Variants in CREB3L1 observed in about 807,000 individuals in gnomAD.
CREB3L1 encodes cAMP responsive element binding protein 3 like 1.
In CREB3L1, 33 loss-of-function variants were observed where a neutral mutation model predicts 54.5. The ratio of observed to expected loss-of-function variants is 0.61; its 90% CI spans 0.46 to 0.81. The LOEUF (loss-of-function observed/expected upper bound fraction) is 0.81. CREB3L1 is among the 30% of genes least tolerant of loss of function. CREB3L1 has a pLI of 0.00. For synonymous variants in CREB3L1, 284 were observed against 286.4 expected (o/e 0.99, Z 0.08); for missense variants, 656 against 673.3 (o/e 0.97, Z 0.29).
rs1179551919 is a variant in CREB3L1, at chr11:46,311,060, C to T, written c.624C>T (p.Pro208=). The T allele has an allele frequency of 6.2e-7, 1 of 1,608,892 alleles. No homozygotes were observed. The highest frequency in any genetic ancestry group is 8.5e-7 in the Non-Finnish European group (1 of 1,177,806). Residue 208 remains proline, a synonymous_variant, in exon 5 of 12, where the codon CCC becomes CCT. Transcript: ENST00000621158. The stretch of plus-strand genomic sequence containing the variant: ...ACCTGGTGCAGATGCCTCCGACGCC[C>T]CCCAGCAGCCATGGCAGTGACAGCG... ...PEDLVQMPPT[P]PSSHGSDSDG...
At chr11:46,298,570 GCACC>G (rs1566184719) in intron 1 of CREB3L1, among the ~76,000 whole-genome samples, 1 of 152,064 alleles carries the variant, frequency 6.6e-6, no homozygotes, top group East Asian at 1.9e-4. Context: ...GTGGTGGTGC[GCACC>G]TGTAGTCCCG....
Position 46,320,182 on chromosome 11 carries a change from G to A in CREB3L1, c.1259-82G>A, listed in dbSNP as rs115107035. On this transcript the variant is annotated intron_variant, in intron 10 of 11. Coordinates refer to ENST00000621158, the MANE Select transcript of CREB3L1 (RefSeq NM_052854.4). ...GCTGGGACTCAGATCCAGGGCCTGC[G>A]TCCTTAACCACTAGGCCATGAATGT... 1.9e-3 allele frequency: 2,773 copies of A among 1,434,968 alleles called. 42 individuals are homozygous for A. In the African/African-American group the frequency reaches 0.034, roughly 18 times the overall value. The allele number at this position is 1,434,968 out of a possible 1,614,324, so 88.9% of individuals were successfully genotyped here.
chr11:46,282,392 G>A (rs1938992319), intron 1 of CREB3L1, among the ~76,000 whole-genome samples: 1 of 152,164 alleles, frequency 6.6e-6, no homozygotes. Flanking sequence ...CTGACCCACA[G>A]GGGATTTGAA....
chr11:46,301,778 G>C (rs1198609665), intron 2 of CREB3L1, among the ~76,000 whole-genome samples: 3 of 151,876 alleles, frequency 2.0e-5, no homozygotes, highest in Non-Finnish European at 4.4e-5. Flanking sequence ...GGTCAACATG[G>C]TGAAACTACT....
intron 9 of CREB3L1, among the ~76,000 whole-genome samples, chr11:46,316,965 C>A (rs1939575788): frequency 6.6e-6 from 1 of 152,146 alleles, no homozygotes; most frequent in Admixed American, 6.5e-5. Context: ...CTCAGCACCT[C>A]CCGCTAGCCA....
intron 3 of CREB3L1, among the ~76,000 whole-genome samples, chr11:46,309,322 C>G (rs960534137): frequency 2.0e-5 from 3 of 152,240 alleles, no homozygotes; most frequent in African/African-American, 4.8e-5. Flanking sequence ...CTTCCTCAGA[C>G]AGAGCACCAC....
intron 8 of CREB3L1, chr11:46,315,352 G>A (rs76244216): frequency 8.8e-5 from 19 of 216,300 alleles, no homozygotes; most frequent in African/African-American, 3.8e-4. Context: ...CTACGTGCCC[G>A]TTTGGGTGGA....
intron 5 of CREB3L1, among the ~76,000 whole-genome samples, chr11:46,311,958 T>C (rs1939492999): frequency 1.3e-5 from 2 of 152,076 alleles, no homozygotes; most frequent in African/African-American, 2.4e-5. Context: ...CCAGGAAACA[T>C]GGAGCTAGGC....
chr11:46,286,976 A>C (rs1300108665), intron 1 of CREB3L1, among the ~76,000 whole-genome samples: 1 of 152,214 alleles, frequency 6.6e-6, no homozygotes, highest in Non-Finnish European at 1.5e-5. Context: ...AAGACTTCCC[A>C]GGTGCGTACT....
rs188844775 is a variant in CREB3L1 at position 46,293,305 on chromosome 11, C to G, written c.103-6630C>G. Among the ~76,000 whole-genome samples the G allele has an allele frequency of 3.1e-4, 47 of 152,342 alleles. 1 individual carries two copies. The East Asian group carries it at 6.9e-3, about 23-fold the overall frequency. ...GGTGCCAGACACAGCTAATCCCAGC[C>G]CTGGGCGGCGGCACTCGCTGCCATC... On this transcript the variant is annotated intron_variant, in intron 1 of 11. Coordinates refer to ENST00000621158, the MANE Select transcript of CREB3L1 (RefSeq NM_052854.4).
At chr11:46,302,768 G>GTC (rs1250463472) in intron 2 of CREB3L1, among the ~76,000 whole-genome samples, 1 of 152,056 alleles carries the variant, frequency 6.6e-6, no homozygotes, top group African/African-American at 2.4e-5. Flanking sequence ...AGATCACGAG[G>GTC]TCAGGAGTTC....
intron 3 of CREB3L1, among the ~76,000 whole-genome samples, 189 bp from the exon 4 acceptor site, chr11:46,309,800 G>A (rs1939457518): frequency 6.6e-6 from 1 of 152,222 alleles, no homozygotes; most frequent in South Asian, 2.1e-4. Flanking sequence ...CTTTCTCTTA[G>A]GTGTGACTTG....
chr11:46,282,214 G>T (rs948633616), intron 1 of CREB3L1, among the ~76,000 whole-genome samples: 3 of 152,176 alleles, frequency 2.0e-5, no homozygotes, highest in African/African-American at 7.2e-5. Context: ...AGAGGGAAAA[G>T]TGTCCTTAAG....
chr11:46,278,278 C>A lies in CREB3L1; in HGVS notation c.102+65C>A. The A allele has an allele frequency of 1.9e-6, 2 of 1,075,048 alleles. No homozygotes were observed. The highest frequency in any genetic ancestry group is 2.9e-5 in the South Asian group (2 of 68,862). 66.6% of individuals were successfully genotyped at this position (1,075,048 alleles called of 1,614,324 possible). ...ACCCGTCCTCGCGGCGCGCCTGGGC[C>A]CCTAGAAGGACCCGACTACACATCA... On this transcript the variant is annotated intron_variant, in intron 1 of 11. Coordinates refer to ENST00000621158, the MANE Select transcript of CREB3L1 (RefSeq NM_052854.4). The surrounding 1 kb of genome is among the most constrained non-coding windows in gnomAD (Gnocchi z 4.2).
At chr11:46,317,590 G>C in intron 10 of CREB3L1, 103 bp downstream of exon 10, 1 of 1,431,774 alleles carries the variant, frequency 7.0e-7, no homozygotes, top group Non-Finnish European at 9.4e-7. Context: ...CAAGTGTGGG[G>C]TCAGCATTAT....
chr11:46,304,174 G>T (rs184739977), intron 2 of CREB3L1, among the ~76,000 whole-genome samples: 2 of 152,000 alleles, frequency 1.3e-5, no homozygotes, highest in African/African-American at 2.4e-5. Context: ...TTGTTGGGAG[G>T]AGTAAAGAAG....
intron 1 of CREB3L1, among the ~76,000 whole-genome samples, chr11:46,282,913 T>C (rs1309799570): frequency 6.6e-6 from 1 of 152,166 alleles, no homozygotes; most frequent in Non-Finnish European, 1.5e-5. Flanking sequence ...TATGTTCCTT[T>C]GCGGTGACTC....
At chr11:46,309,937 G>C (rs1939458801) in intron 3 of CREB3L1, 52 bp from the exon 4 acceptor site, 1 of 1,450,738 alleles carries the variant, frequency 6.9e-7, no homozygotes, top group Non-Finnish European at 9.5e-7. Context: ...AGATGGCATG[G>C]TGGGGACAGA....
rs539355673 is a variant in CREB3L1, at chr11:46,278,690, G to C, written c.102+477G>C. Among the ~76,000 whole-genome samples the C allele has an allele frequency of 6.6e-6, 1 of 152,320 alleles. No homozygotes were observed. Among genetic ancestry groups the C allele is most frequent in the East Asian group, 1.9e-4 (1 of 5,180 alleles). ...GGGGAAGCCAGGCCCAGAAATTTCA[G>C]GGTGCTACCCTGGCAGCCCCAGGGA... On this transcript the variant is annotated intron_variant, in intron 1 of 11. Coordinates refer to ENST00000621158, the MANE Select transcript of CREB3L1 (RefSeq NM_052854.4). The surrounding 1 kb of genome is among the most constrained non-coding windows in gnomAD (Gnocchi z 4.2).
Sources: gnomAD v4.1 joint callset for allele counts (sites outside exome capture counted in the v4.1 genomes callset) on GRCh38, gnomAD v4.1.1 for gene constraint, Gnocchi (gnomAD v3.1) non-coding constraint, MANE v1.5 for transcripts, NCBI Gene and HGNC (gene_info 2026-07-23, HGNC 2026-07-21) for gene names.